Variants in GFRAL observed in about 807,000 individuals in gnomAD.
GFRAL encodes GDNF family receptor alpha like.
Under a neutral mutation model 45.4 loss-of-function variants are expected in GFRAL, and 36 were observed. The ratio of observed to expected loss-of-function variants is 0.79; its 90% CI spans 0.61 to 1.05. GFRAL has a LOEUF of 1.05. Among genes scored for constraint, GFRAL ranks in the 50% least tolerant of loss-of-function variants. The pLI, the probability that GFRAL is intolerant of heterozygous loss-of-function variation, is 0.00. For missense variants in GFRAL, 507 were observed against 467.5 expected (o/e 1.08, Z -0.78); for synonymous variants, 166 against 154.1 (o/e 1.08, Z -0.57).
chr6:55,332,746 A>G (rs1165431148), intron 2 of GFRAL, among the ~76,000 whole-genome samples: 1 of 152,152 alleles, frequency 6.6e-6, no homozygotes. Flanking sequence ...AAGAAAAAAT[A>G]TATATATTTT....
chr6:55,328,421 GTTTAC>G, intron 1 of GFRAL, among the ~76,000 whole-genome samples: 1 of 151,922 alleles, frequency 6.6e-6, no homozygotes, highest in South Asian at 2.1e-4. Flanking sequence ...AAGCAAAGAA[GTTTAC>G]TTTAAATTGT....
intron 6 of GFRAL, among the ~76,000 whole-genome samples, chr6:55,375,259 G>A (rs552600367): frequency 6.6e-6 from 1 of 152,242 alleles, no homozygotes; most frequent in Non-Finnish European, 1.5e-5. Context: ...CCATGAGCAT[G>A]GAATGTTTCT....
intron 3 of GFRAL, among the ~76,000 whole-genome samples, chr6:55,345,862 C>T (rs1403328295): frequency 6.6e-6 from 1 of 151,492 alleles, no homozygotes. Flanking sequence ...AAAACAACCC[C>T]ATCAAAAAGT....
chr6:55,387,236 A>G (rs2127364582), intron 6 of GFRAL, among the ~76,000 whole-genome samples: 1 of 152,308 alleles, frequency 6.6e-6, no homozygotes. Flanking sequence ...TTTGAACAAT[A>G]ACAGCCTTCA....
chr6:55,381,122 T>A (rs1483735257), intron 6 of GFRAL, among the ~76,000 whole-genome samples: 1 of 151,976 alleles, frequency 6.6e-6, no homozygotes, highest in Non-Finnish European at 1.5e-5. Context: ...AAGCAATTGA[T>A]CCTAACACAT....
At position 55,399,140 on chromosome 6, in the gene GFRAL, A is replaced by G. The variant is rs879043079; in HGVS notation, c.953-40A>G. 4 of 1,046,686 alleles carry G rather than the reference A, an allele frequency of 3.8e-6. No homozygotes were observed. The East Asian group carries it at 1.0e-4, about 27-fold the overall frequency. The allele number at this position is 1,046,686 out of a possible 1,614,324, so 64.8% of individuals were successfully genotyped here. On this transcript the variant is annotated intron_variant, in intron 6 of 8. Transcript: ENST00000340465. ...GTAATCCATAAAATTAAAATAATGT[A>G]TGATATGTAACTAATCTCATTTTTA...
intron 6 of GFRAL, among the ~76,000 whole-genome samples, chr6:55,362,321 T>A (rs1768286836): frequency 6.6e-6 from 1 of 151,646 alleles, no homozygotes. Context: ...ACAAAAAACT[T>A]ATATCTGTTC....
chr6:55,386,266 T>G (rs938346195), intron 6 of GFRAL, among the ~76,000 whole-genome samples: 2 of 152,102 alleles, frequency 1.3e-5, no homozygotes, highest in Non-Finnish European at 1.5e-5. Flanking sequence ...ATAAGGCACG[T>G]TTCTTTGCTT....
chr6:55,381,341 A>G (rs77461681), intron 6 of GFRAL, among the ~76,000 whole-genome samples: 4 of 151,872 alleles, frequency 2.6e-5, no homozygotes, highest in Non-Finnish European at 5.9e-5. Flanking sequence ...ATTTCTTTTT[A>G]TAGCCATACT....
At chr6:55,343,112 G>A (rs1007804826) in intron 3 of GFRAL, among the ~76,000 whole-genome samples, 8 of 152,126 alleles carry the variant, frequency 5.3e-5, no homozygotes, top group African/African-American at 1.4e-4. Context: ...ACATTAGACA[G>A]ATCAATGAGA....
chr6:55,341,042 G>A (rs1767957558), intron 3 of GFRAL, among the ~76,000 whole-genome samples: 1 of 152,190 alleles, frequency 6.6e-6, no homozygotes, highest in Non-Finnish European at 1.5e-5. Context: ...AAACTGGGTG[G>A]AGCCCATCGC....
chr6:55,376,008 T>C (rs1768529855), intron 6 of GFRAL, among the ~76,000 whole-genome samples: 1 of 152,130 alleles, frequency 6.6e-6, no homozygotes, highest in Non-Finnish European at 1.5e-5. Flanking sequence ...CATAGACGGC[T>C]CTTATTATTT....
At chr6:55,345,920 G>A (rs1581904645) in intron 3 of GFRAL, among the ~76,000 whole-genome samples, 1 of 152,288 alleles carries the variant, frequency 6.6e-6, no homozygotes, top group East Asian at 1.9e-4. Context: ...CATTTATGCA[G>A]CCAACTGACA....
chr6:55,368,816 C>A (rs998674423), intron 6 of GFRAL, among the ~76,000 whole-genome samples: 7 of 152,188 alleles, frequency 4.6e-5, no homozygotes, highest in African/African-American at 1.7e-4. Flanking sequence ...TCTGCAGCTG[C>A]GTGCTGGGGG....
chr6:55,377,468 C>A (rs576427916), intron 6 of GFRAL, among the ~76,000 whole-genome samples: 26 of 152,126 alleles, frequency 1.7e-4, no homozygotes, highest in African/African-American at 6.0e-4. Flanking sequence ...AATGTTTCTA[C>A]CGTATGGCCA....
chr6:55,401,674 A>C, intron 8 of GFRAL, 116 bp from the exon 9 acceptor site: 1 of 697,436 alleles, frequency 1.4e-6, no homozygotes, highest in Non-Finnish European at 2.6e-6. Context: ...ACATTCTGGA[A>C]CTTGATTAGT....
chr6:55,378,467 GAGGAA>G (rs1768564016), intron 6 of GFRAL, among the ~76,000 whole-genome samples: 1 of 151,938 alleles, frequency 6.6e-6, no homozygotes, highest in Non-Finnish European at 1.5e-5. Context: ...GCCTTATGGA[GAGGAA>G]ATCCATTCTG....
intron 6 of GFRAL, among the ~76,000 whole-genome samples, chr6:55,397,475 G>A (rs1768842022): frequency 1.8e-5 from 2 of 111,718 alleles, no homozygotes; most frequent in Admixed American, 1.3e-4. Flanking sequence ...CCGAGATTGC[G>A]CCACTGCAGT....
At chr6:55,331,448 G>T (rs1054433181) in intron 1 of GFRAL, among the ~76,000 whole-genome samples, 5 of 152,030 alleles carry the variant, frequency 3.3e-5, no homozygotes, top group Non-Finnish European at 5.9e-5. Flanking sequence ...AGTTTTAATG[G>T]AATAATAGTA....
Sources: gnomAD v4.1 joint callset for allele counts (sites outside exome capture counted in the v4.1 genomes callset) on GRCh38, gnomAD v4.1.1 for gene constraint, MANE v1.5 for transcripts, NCBI Gene and HGNC (gene_info 2026-07-23, HGNC 2026-07-21) for gene names.